KLF15: variants seen among roughly 807,000 people sequenced by gnomAD.
The protein encoded by KLF15 is Krueppel-like factor 15.
KLF15 carries 4 observed loss-of-function variants against 24.6 expected under a neutral mutation model. The ratio of observed to expected loss-of-function variants is 0.16; its 90% CI spans 0.08 to 0.37. KLF15 has a LOEUF of 0.37. Ranked by LOEUF, KLF15 falls within the 10% of genes least tolerant of loss-of-function variation. The pLI is 1.00. For missense variants in KLF15, 496 were observed against 560.6 expected (o/e 0.88, Z 1.16); for synonymous variants, 246 against 236.3 (o/e 1.04, Z -0.37).
the KLF15 span, among the ~76,000 whole-genome samples, chr3:126,303,833 G>T: frequency 6.6e-6 from 1 of 151,378 alleles, no homozygotes; most frequent in Non-Finnish European, 1.5e-5. Context: ...TTATCTCTGT[G>T]TATCACCTTA....
chr3:126,313,604 C>T, the KLF15 span, among the ~76,000 whole-genome samples: 1 of 152,160 alleles, frequency 6.6e-6, no homozygotes, highest in Admixed American at 6.5e-5. Context: ...ACTGACTTGC[C>T]CTGGACTTCC....
chr3:126,333,684 G>A, the KLF15 span, among the ~76,000 whole-genome samples: 6 of 148,114 alleles, frequency 4.1e-5, no homozygotes, highest in Non-Finnish European at 5.9e-5. Flanking sequence ...CCCATCTCAC[G>A]TGCAGAGACA....
At chr3:126,343,935 T>G (rs776926198) in intron 2 of KLF15, 40 bp from the exon 3 acceptor site, 1 of 1,511,838 alleles carries the variant, frequency 6.6e-7, no homozygotes, top group Non-Finnish European at 8.8e-7. Flanking sequence ...TGGCCCTGCC[T>G]GCCCCTGCCT....
the KLF15 span, among the ~76,000 whole-genome samples, chr3:126,317,011 G>A: frequency 1.3e-5 from 2 of 152,166 alleles, no homozygotes; most frequent in South Asian, 2.1e-4. Flanking sequence ...TTTTACCAGA[G>A]GTGGAAGTCC....
the KLF15 span, among the ~76,000 whole-genome samples, chr3:126,320,027 G>C: frequency 6.6e-6 from 1 of 152,180 alleles, no homozygotes; most frequent in Non-Finnish European, 1.5e-5. Flanking sequence ...GCTGGAGCAG[G>C]GGGATCAGTG....
intron 1 of KLF15, among the ~76,000 whole-genome samples, chr3:126,354,915 C>G (rs990516646): frequency 1.3e-5 from 2 of 152,242 alleles, no homozygotes; most frequent in Non-Finnish European, 2.9e-5. Context: ...TCCAACAGTG[C>G]CTGGTTCCTC....
At chr3:126,310,424 G>A in the KLF15 span, among the ~76,000 whole-genome samples, 7 of 152,316 alleles carry the variant, frequency 4.6e-5, no homozygotes, top group African/African-American at 1.2e-4. Flanking sequence ...CAGATGGCCC[G>A]TGCACAATGT....
chr3:126,292,019 C>T, the KLF15 span, among the ~76,000 whole-genome samples: 1 of 152,220 alleles, frequency 6.6e-6, no homozygotes, highest in Non-Finnish European at 1.5e-5. Flanking sequence ...CCTAAGTGTC[C>T]ACGGAAGTGG....
At chr3:126,290,150 C>T in the KLF15 span, among the ~76,000 whole-genome samples, 829 of 150,872 alleles carry the variant, frequency 5.5e-3, 6 homozygotes, top group African/African-American at 0.019. Context: ...TTTTTTTTTT[C>T]TTTTGGCGGA....
the KLF15 span, among the ~76,000 whole-genome samples, chr3:126,315,433 C>A: frequency 6.6e-6 from 1 of 152,184 alleles, no homozygotes. Flanking sequence ...GCATGGTCCA[C>A]CCCACTGTGC....
chr3:126,304,830 G>C, the KLF15 span, among the ~76,000 whole-genome samples: 1 of 152,212 alleles, frequency 6.6e-6, no homozygotes, highest in Non-Finnish European at 1.5e-5. Flanking sequence ...AAAGCTATTG[G>C]CTGCAAGTAA....
chr3:126,327,530 C>T, the KLF15 span, among the ~76,000 whole-genome samples: 3 of 152,084 alleles, frequency 2.0e-5, no homozygotes, highest in African/African-American at 7.2e-5. Context: ...GGTCAAACTC[C>T]AGGTGTATTT....
chr3:126,352,362 G>A lies in KLF15; in HGVS notation c.561C>T (p.Ser187=), dbSNP rs374592098. 53 of 1,606,666 alleles carry A rather than the reference G, an allele frequency of 3.3e-5. No individual in the cohort carries two copies. The highest frequency in any genetic ancestry group is 1.2e-4 in the Admixed American group (7 of 59,234). The change falls in exon 2 of 3, where the codon AGC becomes AGT. Residue 187 remains serine (S), a synonymous_variant. Coordinates refer to ENST00000296233, the MANE Select transcript of KLF15 (RefSeq NM_014079.4). The stretch of plus-strand genomic sequence containing the variant: ...GTGGAGGGGAACAGCGCTCTCTCCC[G>A]CTGGACCCAGGATGGAGGTGGCTCT... ...PHKSHLHPGS[S]GRERCSPPPG... is the part of the protein sequence containing the mutation.
downstream of KLF15, among the ~76,000 whole-genome samples, chr3:126,342,445 G>C (rs2082486386): frequency 6.6e-6 from 1 of 152,192 alleles, no homozygotes; most frequent in Non-Finnish European, 1.5e-5. Flanking sequence ...AATCTCAGCA[G>C]CTGGCCTGGA....
chr3:126,325,078 C>A, the KLF15 span, among the ~76,000 whole-genome samples: 1 of 77,596 alleles, frequency 1.3e-5, no homozygotes, highest in Non-Finnish European at 2.3e-5. Context: ...TTTGTACTTG[C>A]GATAGTTTAC....
the KLF15 span, among the ~76,000 whole-genome samples, chr3:126,312,798 T>C: frequency 6.6e-6 from 1 of 152,112 alleles, no homozygotes; most frequent in African/African-American, 2.4e-5. Flanking sequence ...GTGTGTAGAC[T>C]GGCGGGTTCC....
chr3:126,356,636 G>T lies in KLF15; in HGVS notation c.-26+601C>A, dbSNP rs2082634267. 6.6e-6 allele frequency among the ~76,000 whole-genome samples: 1 copy of T among 152,120 alleles called. No homozygotes were observed. Among genetic ancestry groups the T allele is most frequent in the African/African-American group, 2.4e-5 (1 of 41,438 alleles). ...GTGCGGGGCGTGGTGCGCGGCAGCCGCTGTGGCTGTGCGGGAGGCTGTCCG... is the reference window on the plus strand; with the variant it reads ...GTGCGGGGCGTGGTGCGCGGCAGCCTCTGTGGCTGTGCGGGAGGCTGTCCG... On this transcript the variant is annotated intron_variant, in intron 1 of 2. Transcript: ENST00000296233. This position sits in a 1 kb window ranked among gnomAD's most constrained non-coding sequence, Gnocchi z 4.4.
At chr3:126,301,775 C>A in the KLF15 span, among the ~76,000 whole-genome samples, 131 of 151,804 alleles carry the variant, frequency 8.6e-4, 1 homozygote, top group African/African-American at 3.1e-3. Context: ...CCACCATGCC[C>A]GGCTAATTTT....
the KLF15 span, among the ~76,000 whole-genome samples, chr3:126,329,891 T>A: frequency 2.7e-4 from 41 of 152,146 alleles, no homozygotes; most frequent in Non-Finnish European, 5.1e-4. Context: ...TTTTTCTTCC[T>A]GTCATAAAAG....
Sources: gnomAD v4.1 joint callset for allele counts (sites outside exome capture counted in the v4.1 genomes callset) on GRCh38, gnomAD v4.1.1 for gene constraint, Gnocchi (gnomAD v3.1) non-coding constraint, MANE v1.5 for transcripts, NCBI Gene and HGNC (gene_info 2026-07-23, HGNC 2026-07-21) for gene names.